Variants in ZBTB48 observed in about 807,000 individuals in gnomAD.
The protein encoded by ZBTB48 is zinc finger and BTB domain-containing protein 48.
In ZBTB48, 35 loss-of-function variants were observed where a neutral mutation model predicts 64.5. The ratio of observed to expected loss-of-function variants is 0.54; its 90% confidence interval spans 0.41 to 0.72. The LOEUF is 0.72. Among genes scored for constraint, ZBTB48 ranks in the 30% least tolerant of loss-of-function variants. The pLI is 0.00. For missense variants in ZBTB48, 828 were observed against 895.3 expected (o/e 0.92, Z 0.96); for synonymous variants, 442 against 356.7 (o/e 1.24, Z -2.70).
rs573834126 is a variant in ZBTB48, at chr1:6,588,594, T to G, written c.1681+152T>G. The G allele has an allele frequency of 6.9e-6, 10 of 1,446,366 alleles. No homozygotes were observed. In the South Asian group the frequency reaches 1.4e-4, roughly 20 times the overall value. The allele number at this position is 1,446,366 out of a possible 1,614,324, so 89.6% of individuals were successfully genotyped here. A position where few individuals can be genotyped will look rare whatever the true frequency, so the allele number is the denominator to read the frequency against. ...CTGCTTTGAAGGCAGGGGTGTCCTG[T>G]GCAGTAGTGACCCTGGGTGGCACTG... On this transcript the variant is annotated intron_variant, in intron 9 of 10. Transcript: ENST00000377674.
In ZBTB48 at chr1:6,580,705, G is replaced by T; in HGVS notation, c.96G>T (p.Val32=). 6.2e-7 allele frequency: 1 copy of T among 1,614,126 alleles called. No individual in the cohort carries two copies. The highest frequency in any genetic ancestry group is 8.5e-7 in the Non-Finnish European group (1 of 1,180,028). The change falls in exon 2 of 11, where the codon GTG becomes GTT. Residue 32 remains valine, a synonymous_variant. Coordinates refer to ENST00000377674, the MANE Select transcript of ZBTB48 (RefSeq NM_005341.4). This position sits in a 1 kb window ranked among gnomAD's most constrained non-coding sequence, Gnocchi z 5.2. ...AGTACTGCGACGCCACTCTGGACGTGGGGGGCCTGGTGTTTAAGGCACACT... is the reference window on the plus strand; with the variant it reads ...AGTACTGCGACGCCACTCTGGACGTTGGGGGCCTGGTGTTTAAGGCACACT... ...KGQYCDATLD[V]GGLVFKAHWS...
intron 2 of ZBTB48, 117 bp from the exon 3 acceptor site, chr1:6,581,941 G>A: frequency 2.0e-6 from 3 of 1,480,666 alleles, no homozygotes; most frequent in Non-Finnish European, 2.8e-6. Context: ...GAAGGAACTT[G>A]TCTGATGAAG....
intron 5 of ZBTB48, 123 bp from the exon 6 acceptor site, chr1:6,587,082 G>C (rs1182092136): frequency 9.1e-7 from 1 of 1,095,208 alleles, no homozygotes; most frequent in Non-Finnish European, 1.4e-6. Flanking sequence ...CACCAGATCA[G>C]GGGTCCTCCC....
intron 5 of ZBTB48, 35 bp downstream of exon 5, chr1:6,586,822 G>T: frequency 6.3e-7 from 1 of 1,593,610 alleles, no homozygotes; most frequent in Non-Finnish European, 8.5e-7. Context: ...CCAGGGTTGG[G>T]TGGCCCCAGG....
At position 6,580,387 on chromosome 1, in the gene ZBTB48, C is replaced by G. The variant is rs902095382; in HGVS notation, c.-69-154C>G. 6.6e-6 allele frequency among the ~76,000 whole-genome samples: 1 copy of G among 152,230 alleles called. No homozygotes were observed. The highest frequency in any genetic ancestry group is 2.4e-5 in the African/African-American group (1 of 41,464). Reference sequence around the variant, plus strand: ...ACCCTGGCCCCCCATCCAGCATCCCCCCTGGCCAATCCAATATGGCCCCCG... The same window carrying G: ...ACCCTGGCCCCCCATCCAGCATCCCGCCTGGCCAATCCAATATGGCCCCCG... On this transcript the variant is annotated intron_variant, in intron 1 of 10. Coordinates refer to ENST00000377674, the MANE Select transcript of ZBTB48 (RefSeq NM_005341.4). This position sits in a 1 kb window ranked among gnomAD's most constrained non-coding sequence, Gnocchi z 5.2.
At position 6,589,106 on chromosome 1, in the gene ZBTB48, A is replaced by G. The variant is rs376843119; in HGVS notation, c.1961A>G (p.Gln654Arg). 2.5e-5 allele frequency: 40 copies of G among 1,608,150 alleles called. No individual in the cohort carries two copies. Among genetic ancestry groups the G allele is most frequent in the Non-Finnish European group, 3.4e-5 (40 of 1,177,868 alleles). ...CTGGCCCAGGGCGGCCTGGCCTCCC[A>G]GCTCCCCGGCCAGAGACTGTGTGCA... is the stretch of plus-strand genomic sequence containing the variant. ...ESLAQGGLAS[Q>R]LPGQRLCAEE... The change falls in exon 11 of 11, where the codon CAG (glutamine) becomes CGG (arginine). Residue 654 changes from glutamine to arginine, a missense_variant. Gln to Arg is a conservative substitution (Grantham distance 43). Transcript: ENST00000377674.
At chr1:6,586,186 TACAGGTGGGGAC>T (rs1196968074) in intron 4 of ZBTB48, 156 bp downstream of exon 4, 7 of 735,694 alleles carry the variant, frequency 9.5e-6, no homozygotes, top group Non-Finnish European at 1.6e-5. Context: ...CATGCCCTGG[TACAGGTGGGGAC>T]ACAGGTCCTG....
intron 2 of ZBTB48, among the ~76,000 whole-genome samples, chr1:6,581,663 C>CAAAA (rs60573708): frequency 8.0e-6 from 1 of 124,984 alleles, no homozygotes. Flanking sequence ...GATCCTGTCT[C>CAAAA]AAAAAAAAAA....
At chr1:6,588,694 TG>T in intron 9 of ZBTB48, 61 bp from the exon 10 acceptor site, 1 of 1,609,558 alleles carries the variant, frequency 6.2e-7, no homozygotes, top group Non-Finnish European at 8.5e-7. Context: ...AACCTCCTGC[TG>T]GGTTTCCTCG....
In ZBTB48 at chr1:6,584,035, G is replaced by A. The variant is rs1640571822; in HGVS notation, c.932+1736G>A. Among the ~76,000 whole-genome samples the A allele has an allele frequency of 2.0e-5, 3 of 152,100 alleles. No individual in the cohort carries two copies. Among genetic ancestry groups the A allele is most frequent in the South Asian group, 2.1e-4 (1 of 4,826 alleles). On this transcript the variant is annotated intron_variant, in intron 3 of 10. Transcript: ENST00000377674. The surrounding 1 kb of genome is among the most constrained non-coding windows in gnomAD (Gnocchi z 4.5). ...CTGACCTTGTGATCCACCTGCCTCA[G>A]CCTCCCAAAGTGCTGGGATTACAGG...
intron 3 of ZBTB48, among the ~76,000 whole-genome samples, chr1:6,583,672 C>T (rs1211405801): frequency 2.7e-5 from 4 of 150,786 alleles, no homozygotes; most frequent in Non-Finnish European, 4.4e-5. Context: ...ATGATCTTGG[C>T]TCACTGCAAC....
intron 5 of ZBTB48, 197 bp from the exon 6 acceptor site, chr1:6,587,008 G>A (rs1246371679): frequency 1.2e-6 from 1 of 853,176 alleles, no homozygotes; most frequent in South Asian, 1.4e-5. Flanking sequence ...TCTTTCCATG[G>A]AGGACAGGCT....
intron 4 of ZBTB48, 45 bp downstream of exon 4, chr1:6,586,075 CCT>C (rs761564163): frequency 5.0e-6 from 8 of 1,589,416 alleles, no homozygotes; most frequent in Admixed American, 1.7e-5. Context: ...GGCACACTGG[CCT>C]CTCTGTCTTC....
At chr1:6,585,337 G>C (rs1640619813) in intron 3 of ZBTB48, 1 of 154,306 alleles carries the variant, frequency 6.5e-6, no homozygotes, top group East Asian at 1.9e-4. Context: ...GCAGGCAAGG[G>C]GAGGGCTGCC....
chr1:6,580,371 C>T lies in ZBTB48; in HGVS notation c.-69-170C>T, dbSNP rs1640390179. Among the ~76,000 whole-genome samples the T allele has an allele frequency of 6.8e-6, 1 of 146,578 alleles. No homozygotes were observed. The highest frequency in any genetic ancestry group is 6.8e-5 in the Admixed American group (1 of 14,750). On this transcript the variant is annotated intron_variant, in intron 1 of 10. Transcript: ENST00000377674. The surrounding 1 kb of genome is among the most constrained non-coding windows in gnomAD (Gnocchi z 5.2). ...CAGGCCCTTCTTCACGACCCTGGCC[C>T]CCCATCCAGCATCCCCCCTGGCCAA...
chr1:6,580,462 C>T lies in ZBTB48; in HGVS notation c.-69-79C>T. 3.5e-6 allele frequency: 3 copies of T among 845,798 alleles called. No homozygotes were observed. The highest frequency in any genetic ancestry group is 3.6e-5 in the South Asian group (2 of 55,438). The allele number at this position is 845,798 out of a possible 1,614,324, so 52.4% of individuals were successfully genotyped here. On this transcript the variant is annotated intron_variant, in intron 1 of 10. Transcript: ENST00000377674. The surrounding 1 kb of genome is among the most constrained non-coding windows in gnomAD (Gnocchi z 5.2). The stretch of plus-strand genomic sequence containing the variant: ...TCCAGCCCTCCGCGTGCACCCCTCA[C>T]CCTGACCCAAGCCCTCGTGCTGATA...
At chr1:6,586,058 T>A in intron 4 of ZBTB48, 28 bp downstream of exon 4, 1 of 1,610,088 alleles carries the variant, frequency 6.2e-7, no homozygotes, top group Non-Finnish European at 8.5e-7. Flanking sequence ...CAGGTACTTG[T>A]GGGCAGGGCA....
In ZBTB48 at chr1:6,585,778, C is replaced by T. The variant is rs375150785; in HGVS notation, c.933-141C>T. The stretch of plus-strand genomic sequence containing the variant: ...AGAGTCTCCATGCTGGGGGAGGCTT[C>T]TGGGCTTGTCCCTGCACCTTAACCA... On this transcript the variant is annotated intron_variant, in intron 3 of 10. Coordinates refer to ENST00000377674, the MANE Select transcript of ZBTB48 (RefSeq NM_005341.4). 2.2e-4 allele frequency: 160 copies of T among 734,474 alleles called. 1 individual carries two copies. In the East Asian group the frequency reaches 3.4e-3, roughly 15 times the overall value. 45.5% of individuals were successfully genotyped at this position (734,474 alleles called of 1,614,324 possible).
chr1:6,582,355 A>C, intron 3 of ZBTB48, 56 bp downstream of exon 3: 1 of 1,581,076 alleles, frequency 6.3e-7, no homozygotes. Context: ...ACGTTGGGGG[A>C]GGGGTCCTGC....
Sources: allele counts gnomAD v4.1 joint callset (sites outside exome capture counted in the v4.1 genomes callset), GRCh38; gene constraint gnomAD v4.1.1; non-coding constraint Gnocchi (gnomAD v3.1); transcripts MANE v1.5; gene names NCBI Gene and HGNC (gene_info 2026-07-23, HGNC 2026-07-21).